The following MPP2 variants were observed in gnomAD, a reference collection of about 807,000 sequenced individuals.
MPP2 encodes MAGUK p55 subfamily member 2.
MPP2 carries 42 observed loss-of-function variants against 58.5 expected under a neutral mutation model. The ratio of observed to expected loss-of-function variants is 0.72; its 90% CI spans 0.56 to 0.93. The LOEUF (loss-of-function observed/expected upper bound fraction) is 0.93. Ranked by LOEUF, MPP2 falls within the 40% of genes least tolerant of loss-of-function variation. MPP2 has a pLI of 0.00. For synonymous variants in MPP2, 300 were observed against 307.8 expected, an observed-to-expected ratio of 0.97 and a Z score of 0.26; for missense variants, 632 against 760.4, an observed-to-expected ratio of 0.83 and a Z score of 1.99.
At chr17:43,900,526 G>A (rs2048046283) in intron 2 of MPP2, 1 of 1,547,652 alleles carries the variant, frequency 6.5e-7, no homozygotes, top group African/African-American at 1.4e-5. Context: ...CCTCCAAGGA[G>A]ACCCCGCTGC....
intron 3 of MPP2, among the ~76,000 whole-genome samples, chr17:43,890,501 T>G (rs1204103875): frequency 6.6e-6 from 1 of 152,168 alleles, no homozygotes; most frequent in African/African-American, 2.4e-5. Context: ...GTCATTTCAC[T>G]GAAAAGTTTT....
chr17:43,909,647 T>A (rs557592005), upstream of MPP2: 4 of 1,423,980 alleles, frequency 2.8e-6, no homozygotes, highest in Admixed American at 8.7e-5. Context: ...AACTCATTAT[T>A]CTTAGCGGCT....
Position 43,883,005 on chromosome 17 carries a change from T to C in MPP2, c.351A>G (p.Thr117=). The C allele has an allele frequency of 6.2e-7, 1 of 1,609,930 alleles. No homozygotes were observed. The highest frequency in any genetic ancestry group is 8.5e-7 in the Non-Finnish European group (1 of 1,176,922). The change falls in exon 5 of 13, where the codon ACA becomes ACG. Residue 117 remains threonine (T), a synonymous_variant. Transcript: ENST00000269095. The part of the protein sequence containing the change: ...HDSVASKTYE[T]PPPSPGLDPT... ...GGTCCAGGCCAGGGCTGGGGGGTGG[T>C]GTCTCATAGGTCTTTGAGGCCACAG...
At chr17:43,881,031 G>C (rs1312685708) in intron 9 of MPP2, 59 bp downstream of exon 9, 2 of 1,588,952 alleles carry the variant, frequency 1.3e-6, no homozygotes, top group Non-Finnish European at 1.7e-6. Context: ...GATGGGTGGG[G>C]ACAGGGAAAG....
intron 3 of MPP2, 96 bp downstream of exon 3, chr17:43,898,166 G>A: frequency 8.6e-6 from 8 of 934,518 alleles, no homozygotes; most frequent in Non-Finnish European, 1.0e-5. Context: ...TGTGCCACAT[G>A]TCCCATTCCC....
chr17:43,889,873 C>T (rs1362963311), intron 3 of MPP2, among the ~76,000 whole-genome samples: 11 of 141,748 alleles, frequency 7.8e-5, no homozygotes, highest in African/African-American at 2.5e-4. Context: ...AGTGCAGTGG[C>T]GCAATCTCGG....
intron 3 of MPP2, among the ~76,000 whole-genome samples, chr17:43,889,616 C>T (rs967512179): frequency 2.0e-5 from 3 of 151,982 alleles, no homozygotes; most frequent in East Asian, 1.9e-4. Context: ...CCGGCTCAGC[C>T]TCCCAAAGTG....
chr17:43,884,118 A>G (rs2047265591), intron 3 of MPP2: 1 of 702,864 alleles, frequency 1.4e-6, no homozygotes, highest in Non-Finnish European at 2.6e-6. Context: ...CATAGGAACA[A>G]AGACATTCTG....
At position 43,882,300 on chromosome 17, in the gene MPP2, G is replaced by C; in HGVS notation, c.665C>G (p.Pro222Arg). ...GGGGCCCACCTGGCGGGGCAGATGG[G>C]GCTCCTGGTAGCTGGGCAGGATCTT... ...ILKILPSYQE[P>R]HLPRQVFVKC... The change falls in exon 6 of 13, where the codon CCC becomes CGC. Residue 222 changes from proline to arginine, a missense_variant. Coordinates refer to ENST00000269095, the MANE Select transcript of MPP2 (RefSeq NM_005374.5). 1 of 1,611,128 alleles carries C rather than the reference G, an allele frequency of 6.2e-7. No homozygotes were observed. The highest frequency in any genetic ancestry group is 8.5e-7 in the Non-Finnish European group (1 of 1,179,602).
chr17:43,896,997 C>T (rs2047874719), intron 3 of MPP2, among the ~76,000 whole-genome samples: 1 of 152,164 alleles, frequency 6.6e-6, no homozygotes, highest in Non-Finnish European at 1.5e-5. Flanking sequence ...CTAGCCCTTA[C>T]TGCCAAACAC....
chr17:43,887,444 G>A (rs895247895), intron 3 of MPP2, among the ~76,000 whole-genome samples: 7 of 151,906 alleles, frequency 4.6e-5, no homozygotes, highest in African/African-American at 1.7e-4. Context: ...GAATTTTGAG[G>A]CATAGTTTTT....
upstream of MPP2, among the ~76,000 whole-genome samples, chr17:43,908,185 G>A (rs114389048): frequency 8.4e-3 from 1,286 of 152,326 alleles, 23 homozygotes; most frequent in African/African-American, 0.029. Flanking sequence ...GCCTTCCTCA[G>A]AGTCCCAGCC....
intron 3 of MPP2, among the ~76,000 whole-genome samples, chr17:43,897,671 C>G (rs1187695856): frequency 6.6e-6 from 1 of 152,116 alleles, no homozygotes; most frequent in Non-Finnish European, 1.5e-5. Flanking sequence ...TCTTTCTTAC[C>G]TCTGTGCTTC....
intron 3 of MPP2, among the ~76,000 whole-genome samples, chr17:43,896,431 C>G (rs1005175987): frequency 2.0e-5 from 3 of 152,104 alleles, no homozygotes; most frequent in African/African-American, 7.2e-5. Context: ...CTTCCTCTGA[C>G]CTTGGTCTTT....
At chr17:43,884,459 A>G (rs2047280187) in intron 3 of MPP2, among the ~76,000 whole-genome samples, 1 of 152,092 alleles carries the variant, frequency 6.6e-6, no homozygotes, top group Non-Finnish European at 1.5e-5. Flanking sequence ...GCTTCAAGTG[A>G]TCCTCCTGCT....
intron 2 of MPP2, among the ~76,000 whole-genome samples, chr17:43,901,792 T>G (rs2048106901): frequency 6.6e-6 from 1 of 152,112 alleles, no homozygotes; most frequent in East Asian, 1.9e-4. Context: ...TGTCCATTTA[T>G]CTCCCAAGTC....
At chr17:43,905,118 G>A (rs754738194) in intron 1 of MPP2, among the ~76,000 whole-genome samples, 2 of 151,884 alleles carry the variant, frequency 1.3e-5, no homozygotes, top group Non-Finnish European at 1.5e-5. Context: ...TCGAGGCTAC[G>A]GTAAGCCATG....
Position 43,879,998 on chromosome 17 carries a change from G to T in MPP2, c.1151-14C>A. ...GCCGGGAGGTGTCTAGGGGGATGGG[G>T]GTAGGTTGGACCAAATGGGCAGGGG... On this transcript the variant is annotated splice_polypyrimidine_tract_variant and intron_variant, in intron 10 of 12. Transcript: ENST00000269095. This position sits in a 1 kb window ranked among gnomAD's most constrained non-coding sequence, Gnocchi z 4.1. 1 of 1,613,760 alleles carries T rather than the reference G, an allele frequency of 6.2e-7. No homozygotes were observed.
chr17:43,908,572 A>G (rs140571656), upstream of MPP2, among the ~76,000 whole-genome samples: 1,082 of 152,272 alleles, frequency 7.1e-3, 21 homozygotes, highest in African/African-American at 0.024. Context: ...CCATCGCTAC[A>G]AAAAATAAAA....
Sources: allele counts gnomAD v4.1 joint callset (sites outside exome capture counted in the v4.1 genomes callset), GRCh38; gene constraint gnomAD v4.1.1; non-coding constraint Gnocchi (gnomAD v3.1); transcripts MANE v1.5; gene names NCBI Gene and HGNC (gene_info 2026-07-23, HGNC 2026-07-21).